PSTPIP2: variants seen among roughly 807,000 people sequenced by gnomAD.
PSTPIP2 encodes the protein proline-serine-threonine phosphatase-interacting protein 2.
Under a neutral mutation model 63.3 loss-of-function variants are expected in PSTPIP2, and 33 were observed. That is an observed-to-expected ratio of 0.52 (90% CI 0.40 to 0.70). The LOEUF is 0.70. PSTPIP2 is among the 30% of genes least tolerant of loss of function. The pLI is 0.00. For missense variants in PSTPIP2, 312 were observed against 400.7 expected, an observed-to-expected ratio of 0.78 and a Z score of 1.89; for synonymous variants, 125 against 132.7, an observed-to-expected ratio of 0.94 and a Z score of 0.40.
chr18:46,070,504 T>C (rs1437096723), intron 1 of PSTPIP2, among the ~76,000 whole-genome samples: 1 of 152,224 alleles, frequency 6.6e-6, no homozygotes, highest in Non-Finnish European at 1.5e-5. Context: ...GTTGTTTGGT[T>C]GGGTTTGTTT....
intron 2 of PSTPIP2, among the ~76,000 whole-genome samples, chr18:46,038,030 G>C (rs1218642569): frequency 6.6e-6 from 1 of 152,114 alleles, no homozygotes; most frequent in African/African-American, 2.4e-5. Flanking sequence ...CGACCCATTT[G>C]TGAGCCATAA....
intron 1 of PSTPIP2, among the ~76,000 whole-genome samples, chr18:46,069,468 G>A (rs913485460): frequency 1.3e-5 from 2 of 152,132 alleles, no homozygotes; most frequent in African/African-American, 4.8e-5. Context: ...TTCATTGGGG[G>A]CCAATCCCAG....
intron 1 of PSTPIP2, among the ~76,000 whole-genome samples, chr18:46,055,653 G>T (rs1908731176): frequency 6.6e-6 from 1 of 152,102 alleles, no homozygotes; most frequent in Admixed American, 6.6e-5. Flanking sequence ...GGCTAATAAT[G>T]CACACAGCCA....
chr18:45,998,973 C>T, intron 7 of PSTPIP2, 134 bp from the exon 8 acceptor site: 1 of 863,104 alleles, frequency 1.2e-6, no homozygotes, highest in Non-Finnish European at 1.8e-6. Flanking sequence ...GTACATTTCC[C>T]TCATGAGCAA....
intron 1 of PSTPIP2, among the ~76,000 whole-genome samples, chr18:46,045,203 C>G (rs1342376771): frequency 3.3e-5 from 5 of 152,200 alleles, no homozygotes. Context: ...TATAAAGACA[C>G]ATGCACACGT....
At chr18:46,001,442 G>GT (rs1274704170) in intron 6 of PSTPIP2, among the ~76,000 whole-genome samples, 1 of 151,826 alleles carries the variant, frequency 6.6e-6, no homozygotes, top group Non-Finnish European at 1.5e-5. Context: ...TTAACCAATT[G>GT]TTTGTTTTTT....
At chr18:45,996,687 T>C (rs1335111154) in intron 9 of PSTPIP2, among the ~76,000 whole-genome samples, 1 of 150,942 alleles carries the variant, frequency 6.6e-6, no homozygotes, top group African/African-American at 2.4e-5. Context: ...CCCTGGCAAC[T>C]CAGGAGGCAA....
At position 46,016,077 on chromosome 18, in the gene PSTPIP2, C is replaced by G. The variant is rs1303522648; in HGVS notation, c.213-140G>C. ...AATTTTTGCCCATGAGCTAGAGAGACAGCAAAAGACCAAGACTTCTTAAGT... is the reference window on the plus strand; with the variant it reads ...AATTTTTGCCCATGAGCTAGAGAGAGAGCAAAAGACCAAGACTTCTTAAGT... On this transcript the variant is annotated intron_variant, in intron 3 of 14. Coordinates refer to ENST00000409746, the MANE Select transcript of PSTPIP2 (RefSeq NM_024430.4). 15 of 848,506 alleles carry G rather than the reference C, an allele frequency of 1.8e-5. No individual in the cohort carries two copies. The Admixed American group carries it at 3.2e-4, about 18-fold the overall frequency. The allele number at this position is 848,506 out of a possible 1,614,324, so 52.6% of individuals were successfully genotyped here.
chr18:46,006,345 T>C lies in PSTPIP2; in HGVS notation c.355-814A>G, dbSNP rs111641283. On this transcript the variant is annotated intron_variant, in intron 5 of 14. Coordinates refer to ENST00000409746, the MANE Select transcript of PSTPIP2 (RefSeq NM_024430.4). ...CTGGGATTACAGGTATGAGCCACCA[T>C]GCCCAGCCCTGGTACTTTTTTTTTT... 2.5e-3 allele frequency among the ~76,000 whole-genome samples: 306 copies of C among 123,586 alleles called. 3 individuals are homozygous for C. Among genetic ancestry groups the C allele is most frequent in the Middle Eastern group, 0.023 (3 of 130 alleles). The allele number at this position is 123,586 out of a possible 152,430, so 81.1% of individuals were successfully genotyped here.
intron 6 of PSTPIP2, among the ~76,000 whole-genome samples, chr18:46,003,242 C>T (rs534980584): frequency 3.2e-4 from 48 of 152,316 alleles, no homozygotes; most frequent in African/African-American, 1.1e-3. Context: ...CATTATTTCC[C>T]GGTGCAGGTG....
Position 46,064,457 on chromosome 18 carries a change from A to ATTTT in PSTPIP2, c.33+7695_33+7698dup, listed in dbSNP as rs34169328. Among the ~76,000 whole-genome samples, 43 of 106,034 alleles carry ATTTT rather than the reference A, an allele frequency of 4.1e-4. 2 individuals carry two copies. Among genetic ancestry groups the ATTTT allele is most frequent in the Admixed American group, 8.7e-4 (8 of 9,170 alleles). 69.6% of individuals were successfully genotyped at this position (106,034 alleles called of 152,430 possible). ...AGGCACCCACCACAACACCTGGCTAATTTTTTTTTTTTTTTTTTTTTAAGT... is the reference window on the plus strand; with the variant it reads ...AGGCACCCACCACAACACCTGGCTAATTTTTTTTTTTTTTTTTTTTTTTTTAAGT... On this transcript the variant is annotated intron_variant, in intron 1 of 14. Coordinates refer to ENST00000409746, the MANE Select transcript of PSTPIP2 (RefSeq NM_024430.4).
intron 3 of PSTPIP2, among the ~76,000 whole-genome samples, chr18:46,020,939 T>C (rs1382103156): frequency 6.6e-6 from 1 of 152,242 alleles, no homozygotes; most frequent in Non-Finnish European, 1.5e-5. Context: ...TCAGATTCAT[T>C]CTGCTAAATA....
At chr18:46,007,200 A>G (rs1255570936) in intron 5 of PSTPIP2, among the ~76,000 whole-genome samples, 1 of 152,234 alleles carries the variant, frequency 6.6e-6, no homozygotes, top group African/African-American at 2.4e-5. Flanking sequence ...ACACATAAAC[A>G]TTGTTAGAAG....
intron 4 of PSTPIP2, among the ~76,000 whole-genome samples, chr18:46,011,971 A>G (rs1235868480): frequency 6.6e-6 from 1 of 152,244 alleles, no homozygotes; most frequent in East Asian, 1.9e-4. Flanking sequence ...AGGTTAAAAG[A>G]TACATGACAA....
chr18:46,055,449 T>C (rs1908722166), intron 1 of PSTPIP2, among the ~76,000 whole-genome samples: 2 of 152,204 alleles, frequency 1.3e-5, no homozygotes, highest in Admixed American at 1.3e-4. Context: ...GCCACCCCAG[T>C]AGCTGGGACT....
At chr18:45,990,901 C>G (rs1568208330) in intron 12 of PSTPIP2, 145 bp from the exon 13 acceptor site, 1 of 598,640 alleles carries the variant, frequency 1.7e-6, no homozygotes, top group Non-Finnish European at 2.8e-6. Flanking sequence ...AGCAAATGAT[C>G]TGTAGCACTG....
chr18:46,058,594 C>G (rs907156482), intron 1 of PSTPIP2, among the ~76,000 whole-genome samples: 10 of 152,070 alleles, frequency 6.6e-5, no homozygotes, highest in Non-Finnish European at 1.2e-4. Context: ...CTCCTGACCT[C>G]GTGATCCACC....
In PSTPIP2 at chr18:46,045,608, A is replaced by G. The variant is rs546940404; in HGVS notation, c.34-5561T>C. Among the ~76,000 whole-genome samples the G allele has an allele frequency of 2.4e-3, 371 of 152,310 alleles. 1 individual carries two copies. The highest frequency in any genetic ancestry group is 4.5e-3 in the Non-Finnish European group (303 of 68,028). On this transcript the variant is annotated intron_variant, in intron 1 of 14. Coordinates refer to ENST00000409746, the MANE Select transcript of PSTPIP2 (RefSeq NM_024430.4). ...GCACACCAGCATGTCACATGTATAC[A>G]TATGTAACTAACCTGCACATTGTGC... is the stretch of plus-strand genomic sequence containing the variant.
chr18:46,050,917 C>T (rs537759515), intron 1 of PSTPIP2, among the ~76,000 whole-genome samples: 53 of 150,966 alleles, frequency 3.5e-4, no homozygotes, highest in South Asian at 1.0e-3. Flanking sequence ...GGCTGGAGTG[C>T]GGTGGTGCAA....
Sources: allele counts gnomAD v4.1 joint callset (sites outside exome capture counted in the v4.1 genomes callset), GRCh38; gene constraint gnomAD v4.1.1; transcripts MANE v1.5; gene names NCBI Gene and HGNC (gene_info 2026-07-23, HGNC 2026-07-21).